Variants in PTPRM observed in about 807,000 individuals in gnomAD.
The protein encoded by PTPRM is receptor-type tyrosine-protein phosphatase mu.
In PTPRM, 47 loss-of-function variants were observed where a neutral mutation model predicts 186.7. The observed-to-expected ratio is 0.25, with a 90% CI of 0.20 to 0.32. PTPRM has a LOEUF of 0.32. Ranked by LOEUF, PTPRM falls within the 10% of genes least tolerant of loss-of-function variation. The probability of loss-of-function intolerance (pLI) is 1.00; values close to 1 mark genes in which losing one functional copy is unlikely to be tolerated. For missense variants in PTPRM, 1,494 were observed against 1,865.0 expected (o/e 0.80, Z 3.66); for synonymous variants, 668 against 674.9 (o/e 0.99, Z 0.16).
chr18:7,615,028 C>T (rs975842083), intron 1 of PTPRM, among the ~76,000 whole-genome samples: 1 of 152,092 alleles, frequency 6.6e-6, no homozygotes, highest in African/African-American at 2.4e-5. Context: ...ATAACATTTA[C>T]CGAGTGGCTT....
chr18:8,028,023 A>G (rs2085684542), intron 7 of PTPRM, among the ~76,000 whole-genome samples: 1 of 151,698 alleles, frequency 6.6e-6, no homozygotes, highest in Non-Finnish European at 1.5e-5. Context: ...GTTTTTTGAG[A>G]CAGGGTCTCA....
intron 22 of PTPRM, among the ~76,000 whole-genome samples, chr18:8,324,899 T>C (rs1477821605): frequency 1.3e-5 from 2 of 152,220 alleles, no homozygotes; most frequent in East Asian, 3.9e-4. Context: ...TGGGGATTAC[T>C]TTAACTCATG....
intron 2 of PTPRM, among the ~76,000 whole-genome samples, chr18:7,856,722 C>A (rs1475415495): frequency 1.4e-5 from 2 of 141,462 alleles, no homozygotes; most frequent in Admixed American, 7.5e-5. Context: ...CCAGCCTGGG[C>A]AACAGAGCAA....
intron 19 of PTPRM, among the ~76,000 whole-genome samples, chr18:8,289,929 G>A (rs1422618022): frequency 6.6e-6 from 1 of 152,080 alleles, no homozygotes. Context: ...ACCTCTCTTA[G>A]CCGTGAAGCA....
At chr18:7,985,205 A>G (rs2082857823) in intron 7 of PTPRM, among the ~76,000 whole-genome samples, 1 of 122,902 alleles carries the variant, frequency 8.1e-6, no homozygotes, top group African/African-American at 3.2e-5. Context: ...ATATATACAT[A>G]TAATTGTATA....
chr18:7,739,099 C>G (rs1052552461), intron 1 of PTPRM, among the ~76,000 whole-genome samples: 1 of 151,990 alleles, frequency 6.6e-6, no homozygotes, highest in Non-Finnish European at 1.5e-5. Context: ...AGAAGTGGTT[C>G]GTTGTTGCAC....
At chr18:8,097,019 G>T (rs1371907111) in intron 11 of PTPRM, among the ~76,000 whole-genome samples, 1 of 152,114 alleles carries the variant, frequency 6.6e-6, no homozygotes, top group Non-Finnish European at 1.5e-5. Flanking sequence ...TGGTGGTGGG[G>T]AGAGGAATGA....
In PTPRM at chr18:8,088,735, G is replaced by T; in HGVS notation, c.1754-14G>T. The T allele has an allele frequency of 1.3e-6, 2 of 1,575,346 alleles. No individual in the cohort carries two copies. The highest frequency in any genetic ancestry group is 1.7e-6 in the Non-Finnish European group (2 of 1,145,400). On this transcript the variant is annotated splice_polypyrimidine_tract_variant and intron_variant, in intron 10 of 32. Transcript: ENST00000580170. ...AGAAATAATGAGTCTCCCATTCTAC[G>T]CCTTTTTCCCCAGCACCCTCTATGC...
At chr18:8,089,003 G>A in intron 11 of PTPRM, 152 bp downstream of exon 11, 1 of 611,664 alleles carries the variant, frequency 1.6e-6, no homozygotes, top group Non-Finnish European at 2.8e-6. Flanking sequence ...TAATGACTGA[G>A]GAAAATGAAA....
chr18:8,322,036 A>G (rs1305144488), intron 22 of PTPRM, among the ~76,000 whole-genome samples: 1 of 152,202 alleles, frequency 6.6e-6, no homozygotes, highest in African/African-American at 2.4e-5. Flanking sequence ...AAAATGGGCA[A>G]TGAAGACCAA....
intron 32 of PTPRM, among the ~76,000 whole-genome samples, chr18:8,398,501 C>G (rs2095855691): frequency 6.6e-6 from 1 of 152,138 alleles, no homozygotes; most frequent in East Asian, 1.9e-4. Flanking sequence ...CACGGTGGCT[C>G]ACGCCTGTAA....
intron 14 of PTPRM, among the ~76,000 whole-genome samples, chr18:8,224,377 A>G (rs941808435): frequency 3.3e-5 from 5 of 152,244 alleles, no homozygotes; most frequent in African/African-American, 1.2e-4. Flanking sequence ...AAGTGCAGCT[A>G]TATTTCTGTT....
At chr18:7,937,563 A>G (rs2051898835) in intron 5 of PTPRM, among the ~76,000 whole-genome samples, 1 of 152,238 alleles carries the variant, frequency 6.6e-6, no homozygotes, top group African/African-American at 2.4e-5. Context: ...TGCCAAGCCA[A>G]GTGGGCCCGC....
intron 1 of PTPRM, among the ~76,000 whole-genome samples, chr18:7,772,480 T>G (rs569773377): frequency 6.9e-6 from 1 of 145,080 alleles, no homozygotes; most frequent in Non-Finnish European, 1.5e-5. Context: ...CTTCCTTCCT[T>G]CCTTCCTTCC....
intron 1 of PTPRM, among the ~76,000 whole-genome samples, chr18:7,678,442 G>A (rs945335679): frequency 6.6e-6 from 1 of 152,184 alleles, no homozygotes; most frequent in Admixed American, 6.5e-5. Flanking sequence ...TACATGCAGG[G>A]AGCACTGAGA....
intron 1 of PTPRM, among the ~76,000 whole-genome samples, chr18:7,755,806 C>T (rs931536706): frequency 5.6e-4 from 85 of 152,266 alleles, no homozygotes; most frequent in African/African-American, 1.8e-3. Context: ...GCTCGCTGTG[C>T]GGGCAGCTAA....
intron 11 of PTPRM, among the ~76,000 whole-genome samples, chr18:8,108,187 C>G (rs188577201): frequency 2.0e-5 from 3 of 152,238 alleles, no homozygotes; most frequent in Admixed American, 1.3e-4. Context: ...GCTATCAATA[C>G]TAATATCTAT....
intron 7 of PTPRM, among the ~76,000 whole-genome samples, chr18:7,961,807 A>G (rs892360584): frequency 7.1e-6 from 1 of 141,700 alleles, no homozygotes; most frequent in Non-Finnish European, 1.6e-5. Context: ...TAGTGTTTTT[A>G]TAACTTCCAT....
chr18:7,595,628 T>A (rs902300725), intron 1 of PTPRM, among the ~76,000 whole-genome samples: 4 of 152,230 alleles, frequency 2.6e-5, no homozygotes, highest in African/African-American at 7.2e-5. Flanking sequence ...AAGTCTCAGG[T>A]GGCTACATTA....
Sources: allele counts gnomAD v4.1 joint callset (sites outside exome capture counted in the v4.1 genomes callset), GRCh38; gene constraint gnomAD v4.1.1; transcripts MANE v1.5; gene names NCBI Gene and HGNC (gene_info 2026-07-23, HGNC 2026-07-21).